Variants in MACROD2 observed in about 807,000 individuals in gnomAD.
The protein encoded by MACROD2 is ADP-ribose glycohydrolase MACROD2.
Under a neutral mutation model 70.4 loss-of-function variants are expected in MACROD2, and 36 were observed. The observed-to-expected ratio is 0.51, with a 90% CI of 0.39 to 0.68. The LOEUF (loss-of-function observed/expected upper bound fraction) is 0.68, where lower values mean the gene tolerates loss of function less well. Ranked by LOEUF, MACROD2 falls within the 30% of genes least tolerant of loss-of-function variation. The pLI, the probability that MACROD2 is intolerant of heterozygous loss-of-function variation, is 0.00. For missense variants in MACROD2, 496 were observed against 538.4 expected, an observed-to-expected ratio of 0.92 and a Z score of 0.78; for synonymous variants, 172 against 178.8, an observed-to-expected ratio of 0.96 and a Z score of 0.30.
intron 8 of MACROD2, among the ~76,000 whole-genome samples, chr20:15,815,178 A>G (rs13042688): frequency 0.22 from 33,712 of 152,090 alleles, 3,804 homozygotes; most frequent in African/African-American, 0.25. Flanking sequence ...GCAGTGACTC[A>G]TTTCTTTAAA....
chr20:14,262,839 T>C (rs973422832), intron 3 of MACROD2, among the ~76,000 whole-genome samples: 2 of 152,180 alleles, frequency 1.3e-5, no homozygotes, highest in African/African-American at 4.8e-5. Flanking sequence ...GCAATCTTTT[T>C]TGAGAATAGA....
intron 4 of MACROD2, among the ~76,000 whole-genome samples, chr20:14,663,764 T>A (rs2070705337): frequency 1.3e-5 from 2 of 152,106 alleles, no homozygotes; most frequent in Non-Finnish European, 2.9e-5. Flanking sequence ...ACGCATTAAT[T>A]GTCACAATGT....
intron 5 of MACROD2, among the ~76,000 whole-genome samples, chr20:14,834,931 A>T (rs2073012169): frequency 6.6e-6 from 1 of 151,926 alleles, no homozygotes; most frequent in African/African-American, 2.4e-5. Context: ...GTGTATATTT[A>T]TATATAGACT....
At chr20:15,936,888 C>A (rs1237350903) in intron 11 of MACROD2, among the ~76,000 whole-genome samples, 1 of 151,976 alleles carries the variant, frequency 6.6e-6, no homozygotes, top group Admixed American at 6.6e-5. Context: ...GTGAGGGGAA[C>A]AGAGAGTTCC....
chr20:15,115,305 C>T (rs527325856), intron 5 of MACROD2, among the ~76,000 whole-genome samples: 4 of 152,216 alleles, frequency 2.6e-5, no homozygotes, highest in Non-Finnish European at 4.4e-5. Context: ...TCTTGGCTCA[C>T]TGCTGTCTCC....
chr20:15,650,983 G>A (rs2049634542), intron 8 of MACROD2, among the ~76,000 whole-genome samples: 1 of 152,148 alleles, frequency 6.6e-6, no homozygotes, highest in Admixed American at 6.5e-5. Flanking sequence ...TTCTCTTAGA[G>A]GGTACTGTTT....
chr20:16,033,040 A>G (rs1198200331), intron 15 of MACROD2, among the ~76,000 whole-genome samples: 1 of 152,110 alleles, frequency 6.6e-6, no homozygotes, highest in Non-Finnish European at 1.5e-5. Flanking sequence ...TATTCTTGGC[A>G]CTTGTTAATT....
chr20:15,876,105 A>ATG (rs1381168370), intron 9 of MACROD2, among the ~76,000 whole-genome samples: 296 of 21,480 alleles, frequency 0.014, 18 homozygotes, highest in African/African-American at 0.02. Context: ...ATATATATAT[A>ATG]TATATATGTG....
chr20:15,344,146 C>A (rs938585823), intron 6 of MACROD2, among the ~76,000 whole-genome samples: 1 of 152,174 alleles, frequency 6.6e-6, no homozygotes, highest in African/African-American at 2.4e-5. Flanking sequence ...GCAGATCCAG[C>A]CTCAGTGATG....
chr20:14,204,554 C>G (rs756332213), intron 3 of MACROD2, among the ~76,000 whole-genome samples: 1 of 152,194 alleles, frequency 6.6e-6, no homozygotes, highest in Non-Finnish European at 1.5e-5. Flanking sequence ...GCTCCTTATA[C>G]TAGTCTCAGG....
chr20:14,710,409 TA>T (rs1412175176), intron 5 of MACROD2, among the ~76,000 whole-genome samples: 1 of 152,164 alleles, frequency 6.6e-6, no homozygotes, highest in African/African-American at 2.4e-5. Flanking sequence ...AAATAGCATT[TA>T]AAAAAATCAA....
chr20:15,896,446 A>G (rs1412568834), intron 10 of MACROD2, among the ~76,000 whole-genome samples: 1 of 152,086 alleles, frequency 6.6e-6, no homozygotes, highest in Non-Finnish European at 1.5e-5. Flanking sequence ...ATATGGTCAA[A>G]TTTTCTCATT....
chr20:14,543,947 C>A (rs1324033000), intron 4 of MACROD2, among the ~76,000 whole-genome samples: 2 of 152,064 alleles, frequency 1.3e-5, no homozygotes, highest in Non-Finnish European at 2.9e-5. Flanking sequence ...TTTAGTAGAC[C>A]CCAAGTCAGT....
chr20:15,827,418 C>G (rs2064009050), intron 8 of MACROD2, among the ~76,000 whole-genome samples: 4 of 152,280 alleles, frequency 2.6e-5, no homozygotes, highest in African/African-American at 4.8e-5. Context: ...CAAGTCTACT[C>G]TTCATAGGAA....
intron 5 of MACROD2, among the ~76,000 whole-genome samples, chr20:15,088,094 T>C (rs937822541): frequency 6.6e-6 from 1 of 151,910 alleles, no homozygotes; most frequent in Non-Finnish European, 1.5e-5. Context: ...CATTGCAAAT[T>C]AATCAGATAA....
At chr20:14,024,195 T>A (rs1473147706) in intron 2 of MACROD2, among the ~76,000 whole-genome samples, 1 of 152,172 alleles carries the variant, frequency 6.6e-6, no homozygotes, top group Non-Finnish European at 1.5e-5. Flanking sequence ...GATTTGGCTA[T>A]TATTGGTGTA....
chr20:15,573,618 G>A (rs1167943969), intron 8 of MACROD2, among the ~76,000 whole-genome samples: 1 of 152,114 alleles, frequency 6.6e-6, no homozygotes, highest in Non-Finnish European at 1.5e-5. Context: ...AGCCTTATCT[G>A]CTAGGTAAAT....
chr20:15,772,248 A>G (rs1037116291), intron 8 of MACROD2, among the ~76,000 whole-genome samples: 10 of 151,400 alleles, frequency 6.6e-5, no homozygotes, highest in African/African-American at 2.4e-4. Flanking sequence ...CTGTGTACCT[A>G]TGATGTTACA....
chr20:14,093,833 G>A (rs1214979855), intron 3 of MACROD2, among the ~76,000 whole-genome samples: 1 of 152,138 alleles, frequency 6.6e-6, no homozygotes, highest in South Asian at 2.1e-4. Flanking sequence ...AAGGTGCCAT[G>A]GGCAAATAGA....
Sources: gnomAD v4.1 joint callset for allele counts (sites outside exome capture counted in the v4.1 genomes callset) on GRCh38, gnomAD v4.1.1 for gene constraint, MANE v1.5 for transcripts, NCBI Gene and HGNC (gene_info 2026-07-23, HGNC 2026-07-21) for gene names.